IMMP2L: variants seen among roughly 807,000 people sequenced by gnomAD.
IMMP2L encodes the protein mitochondrial inner membrane protease subunit 2.
A neutral mutation model predicts 19.3 loss-of-function variants in IMMP2L; 18 were observed. The observed-to-expected ratio is 0.93, with a 90% confidence interval of 0.64 to 1.38. The LOEUF is 1.38. IMMP2L is among the 40% of genes most tolerant of loss of function. The pLI is 0.00. For synonymous variants in IMMP2L, 76 were observed against 73.0 expected (o/e 1.04, Z -0.21); for missense variants, 233 against 218.2 (o/e 1.07, Z -0.43).
At chr7:111,191,462 AC>A (rs1808865048) in intron 3 of IMMP2L, among the ~76,000 whole-genome samples, 1 of 151,374 alleles carries the variant, frequency 6.6e-6, no homozygotes, top group Non-Finnish European at 1.5e-5. Context: ...ACACACACAC[AC>A]ACACACACAC....
intron 5 of IMMP2L, among the ~76,000 whole-genome samples, chr7:110,856,434 C>T (rs1176321678): frequency 2.0e-5 from 3 of 152,142 alleles, no homozygotes; most frequent in East Asian, 3.9e-4. Flanking sequence ...CCAATCTCCT[C>T]GAACATGCTA....
chr7:110,878,320 C>A (rs1042352165), intron 5 of IMMP2L, among the ~76,000 whole-genome samples: 6 of 152,084 alleles, frequency 3.9e-5, no homozygotes. Context: ...ATTGAACCCT[C>A]AAACCTATGA....
At chr7:111,529,992 C>T (rs1376863635) in intron 1 of IMMP2L, among the ~76,000 whole-genome samples, 1 of 152,290 alleles carries the variant, frequency 6.6e-6, no homozygotes, top group Non-Finnish European at 1.5e-5. Flanking sequence ...TTTATGCACA[C>T]CCTTCCCTCT....
At chr7:111,227,419 C>A (rs557705620) in intron 3 of IMMP2L, among the ~76,000 whole-genome samples, 2 of 152,156 alleles carry the variant, frequency 1.3e-5, no homozygotes, top group African/African-American at 4.8e-5. Flanking sequence ...TATAGGATAT[C>A]TCCCTGTTTT....
Position 110,705,026 on chromosome 7 carries a change from G to T in IMMP2L, c.409-41305C>A, listed in dbSNP as rs180759379. ...AAAGTTAGTCATCATTTTTATATAT[G>T]ATCAGCTCATTATTATTATTTCCAC... On this transcript the variant is annotated intron_variant, in intron 5 of 5. Coordinates refer to ENST00000405709, the MANE Select transcript of IMMP2L (RefSeq NM_032549.4). Among the ~76,000 whole-genome samples, 393 of 152,198 alleles carry T rather than the reference G, an allele frequency of 2.6e-3. 2 individuals carry two copies. Among genetic ancestry groups the T allele is most frequent in the Non-Finnish European group, 4.5e-3 (309 of 68,006 alleles).
At chr7:111,135,770 T>C (rs1381470447) in intron 3 of IMMP2L, among the ~76,000 whole-genome samples, 1 of 152,208 alleles carries the variant, frequency 6.6e-6, no homozygotes, top group Non-Finnish European at 1.5e-5. Flanking sequence ...GTCTCCCAAA[T>C]ACACTATTAC....
chr7:110,688,246 C>A (rs1409713005), intron 5 of IMMP2L, among the ~76,000 whole-genome samples: 1 of 152,028 alleles, frequency 6.6e-6, no homozygotes, highest in East Asian at 1.9e-4. Flanking sequence ...AAAAGTGTTG[C>A]TTTATACCAC....
intron 5 of IMMP2L, among the ~76,000 whole-genome samples, chr7:110,720,735 C>T (rs1278222165): frequency 6.6e-6 from 1 of 152,018 alleles, no homozygotes; most frequent in South Asian, 2.1e-4. Context: ...TATTCTATGT[C>T]GAATATTTCT....
At position 110,748,280 on chromosome 7, in the gene IMMP2L, C is replaced by T. The variant is rs888463386; in HGVS notation, c.409-84559G>A. ...AACAAATGGAAGAACATTCCATGCT[C>T]ATGGATAGGAAGAATCAATATCATC... On this transcript the variant is annotated intron_variant, in intron 5 of 5. Transcript: ENST00000405709. Among the ~76,000 whole-genome samples, 74 of 152,162 alleles carry T rather than the reference C, an allele frequency of 4.9e-4. 1 individual carries two copies. The highest frequency in any genetic ancestry group is 1.2e-4 in the Non-Finnish European group (8 of 68,038).
intron 3 of IMMP2L, among the ~76,000 whole-genome samples, chr7:111,306,006 A>G (rs1822825636): frequency 6.6e-6 from 1 of 152,192 alleles, no homozygotes; most frequent in African/African-American, 2.4e-5. Flanking sequence ...AAATATCATG[A>G]AATGTAAAAA....
intron 3 of IMMP2L, among the ~76,000 whole-genome samples, chr7:111,237,777 C>G (rs1314700191): frequency 6.6e-6 from 1 of 151,740 alleles, no homozygotes; most frequent in East Asian, 1.9e-4. Context: ...AGGCTTTATT[C>G]AGAGAATAAT....
intron 4 of IMMP2L, among the ~76,000 whole-genome samples, chr7:110,889,529 A>G (rs976403841): frequency 2.0e-5 from 3 of 152,144 alleles, no homozygotes; most frequent in Admixed American, 6.6e-5. Context: ...AATGAGAGCA[A>G]TGGGCAGTGG....
In IMMP2L at chr7:111,214,504, GTTT is replaced by G. The variant is rs71151836; in HGVS notation, c.240-250942_240-250940del. On this transcript the variant is annotated intron_variant, in intron 3 of 5. Transcript: ENST00000405709. The stretch of plus-strand genomic sequence containing the variant: ...ATTACAGGCACCTGCCACCAAATCT[GTTT>G]TTTTTTTTTTTTTTTTTTTTAATGT... Among the ~76,000 whole-genome samples the G allele has an allele frequency of 6.2e-3, 602 of 96,988 alleles. 10 individuals carry two copies. The highest frequency in any genetic ancestry group is 0.024 in the African/African-American group (565 of 23,934). The allele number at this position is 96,988 out of a possible 152,430, so 63.6% of individuals were successfully genotyped here.
chr7:111,101,623 G>T (rs1404014255), intron 3 of IMMP2L, among the ~76,000 whole-genome samples: 1 of 151,420 alleles, frequency 6.6e-6, no homozygotes, highest in African/African-American at 2.4e-5. Flanking sequence ...TAGGTATACT[G>T]TCTTGTATAT....
intron 3 of IMMP2L, among the ~76,000 whole-genome samples, chr7:111,219,268 A>G (rs1217707267): frequency 6.6e-6 from 1 of 152,020 alleles, no homozygotes; most frequent in African/African-American, 2.4e-5. Flanking sequence ...CAGTAAAGTC[A>G]TAACTTTTTT....
chr7:111,197,082 A>C (rs973913545), intron 3 of IMMP2L, among the ~76,000 whole-genome samples: 1 of 152,162 alleles, frequency 6.6e-6, no homozygotes, highest in Non-Finnish European at 1.5e-5. Flanking sequence ...TTATTTTACA[A>C]AATCGGAGGC....
In IMMP2L at chr7:110,663,498, C is replaced by G. The variant is rs1440613007; in HGVS notation, c.*104G>C. 8.8e-6 allele frequency: 8 copies of G among 904,678 alleles called. No individual in the cohort carries two copies. The highest frequency in any genetic ancestry group is 1.4e-5 in the Non-Finnish European group (8 of 565,354). The allele number at this position is 904,678 out of a possible 1,614,324, so 56.0% of individuals were successfully genotyped here. Reference sequence around the variant, plus strand: ...TAATGTGCTGTAAATATTTCTCGCACAGCATCATATTGTCAGAAGTTTTTC... The same window carrying G: ...TAATGTGCTGTAAATATTTCTCGCAGAGCATCATATTGTCAGAAGTTTTTC... On this transcript the variant is annotated 3_prime_UTR_variant, in exon 6 of 6. Coordinates refer to ENST00000405709, the MANE Select transcript of IMMP2L (RefSeq NM_032549.4).
intron 5 of IMMP2L, among the ~76,000 whole-genome samples, chr7:110,742,584 C>T (rs141205524): frequency 0.021 from 3,178 of 151,908 alleles, 85 homozygotes; most frequent in African/African-American, 0.068. Flanking sequence ...CTGGCTAACA[C>T]GCTGAAACCC....
chr7:111,366,793 T>C (rs1009819213), intron 3 of IMMP2L, among the ~76,000 whole-genome samples: 12 of 152,018 alleles, frequency 7.9e-5, no homozygotes, highest in Non-Finnish European at 2.9e-5. Flanking sequence ...TCTCTCTATA[T>C]ATTATTTCAT....
Sources: gnomAD v4.1 joint callset for allele counts (sites outside exome capture counted in the v4.1 genomes callset) on GRCh38, gnomAD v4.1.1 for gene constraint, MANE v1.5 for transcripts, NCBI Gene and HGNC (gene_info 2026-07-23, HGNC 2026-07-21) for gene names.